AGBL1: variants seen among roughly 807,000 people sequenced by gnomAD.
The protein encoded by AGBL1 is cytosolic carboxypeptidase 4.
In AGBL1, 130 loss-of-function variants were observed where a neutral mutation model predicts 118.9. The ratio of observed to expected loss-of-function variants is 1.09; its 90% CI spans 0.95 to 1.26. The LOEUF is 1.26. Ranked by LOEUF, AGBL1 falls within the 50% of genes most tolerant of loss-of-function variation. AGBL1 has a pLI of 0.00. For missense variants in AGBL1, 1,584 were observed against 1,298.1 expected (o/e 1.22, Z -3.38); for synonymous variants, 555 against 478.9 (o/e 1.16, Z -2.08).
At chr15:86,543,254 A>G (rs2083529578) in intron 19 of AGBL1, among the ~76,000 whole-genome samples, 1 of 151,784 alleles carries the variant, frequency 6.6e-6, no homozygotes, top group Admixed American at 6.6e-5. Context: ...GAGATAACAT[A>G]CTGCTTCCTC....
chr15:86,500,141 C>T (rs1283083384), intron 18 of AGBL1, among the ~76,000 whole-genome samples: 1 of 151,820 alleles, frequency 6.6e-6, no homozygotes, highest in Non-Finnish European at 1.5e-5. Flanking sequence ...AAAGAATAGA[C>T]AGATACCTGT....
At chr15:86,928,342 G>A (rs111428876) in intron 23 of AGBL1, among the ~76,000 whole-genome samples, 9 of 152,246 alleles carry the variant, frequency 5.9e-5, no homozygotes, top group African/African-American at 1.9e-4. Context: ...ACGGTGGAAG[G>A]GACCAGGGAG....
intron 22 of AGBL1, among the ~76,000 whole-genome samples, chr15:86,866,474 T>G (rs934331299): frequency 5.9e-5 from 9 of 152,206 alleles, no homozygotes; most frequent in African/African-American, 2.2e-4. Flanking sequence ...ACTTCTTGCA[T>G]AAGTCTTTCA....
At chr15:86,373,579 G>A (rs974753353) in intron 17 of AGBL1, among the ~76,000 whole-genome samples, 3 of 152,206 alleles carry the variant, frequency 2.0e-5, no homozygotes, top group Non-Finnish European at 2.9e-5. Flanking sequence ...TCCAGGGAGA[G>A]CAGGCACCAG....
intron 18 of AGBL1, among the ~76,000 whole-genome samples, chr15:86,410,808 A>AGG (rs2081597799): frequency 2.2e-4 from 2 of 9,300 alleles, no homozygotes; most frequent in South Asian, 6.1e-3. Context: ...TCAAATGTAG[A>AGG]TATATATATA....
chr15:86,846,800 G>A (rs959522940), intron 22 of AGBL1, among the ~76,000 whole-genome samples: 1 of 152,180 alleles, frequency 6.6e-6, no homozygotes, highest in East Asian at 1.9e-4. Flanking sequence ...CCAAAGTGCT[G>A]GGATTGCAGG....
chr15:86,791,000 C>T (rs1315323154), intron 22 of AGBL1, among the ~76,000 whole-genome samples: 1 of 152,122 alleles, frequency 6.6e-6, no homozygotes, highest in Non-Finnish European at 1.5e-5. Context: ...CAATCTTTGT[C>T]AGAATTTTCA....
At chr15:86,502,910 C>T (rs903503053) in intron 18 of AGBL1, among the ~76,000 whole-genome samples, 4 of 151,286 alleles carry the variant, frequency 2.6e-5, no homozygotes, top group Non-Finnish European at 4.4e-5. Flanking sequence ...TTTTGCTACC[C>T]GGCTAATATT....
At chr15:86,437,894 T>A (rs1166818956) in intron 18 of AGBL1, among the ~76,000 whole-genome samples, 1 of 152,096 alleles carries the variant, frequency 6.6e-6, no homozygotes, top group East Asian at 1.9e-4. Flanking sequence ...AGTTTTCTTT[T>A]TTTTCCCTTC....
intron 23 of AGBL1, among the ~76,000 whole-genome samples, chr15:86,958,154 A>ATGATTG (rs1269478248): frequency 6.6e-6 from 1 of 150,942 alleles, no homozygotes; most frequent in Non-Finnish European, 1.5e-5. Flanking sequence ...GCAGTAAGCT[A>ATGATTG]TGATTGTGCC....
chr15:86,791,668 C>A (rs1291236875), intron 22 of AGBL1, among the ~76,000 whole-genome samples: 1 of 151,574 alleles, frequency 6.6e-6, no homozygotes, highest in Non-Finnish European at 1.5e-5. Context: ...GTCATTGAAT[C>A]TTTTCCTCTG....
intron 19 of AGBL1, among the ~76,000 whole-genome samples, chr15:86,532,044 T>G (rs2083357085): frequency 6.6e-6 from 1 of 151,786 alleles, no homozygotes; most frequent in African/African-American, 2.4e-5. Context: ...CTTTGAAAAC[T>G]GGCACAAGAC....
chr15:86,852,399 A>G (rs1364958303), intron 22 of AGBL1, among the ~76,000 whole-genome samples: 1 of 152,084 alleles, frequency 6.6e-6, no homozygotes, highest in Non-Finnish European at 1.5e-5. Context: ...TTACAATTGG[A>G]GATTATATTT....
At chr15:86,879,677 T>G (rs1488350211) in intron 22 of AGBL1, among the ~76,000 whole-genome samples, 1 of 152,216 alleles carries the variant, frequency 6.6e-6, no homozygotes, top group Non-Finnish European at 1.5e-5. Flanking sequence ...TTTGGCTTGA[T>G]GTTCCAGAAA....
At chr15:86,843,206 A>G (rs2079269756) in intron 22 of AGBL1, among the ~76,000 whole-genome samples, 1 of 152,152 alleles carries the variant, frequency 6.6e-6, no homozygotes, top group African/African-American at 2.4e-5. Context: ...TCTCACAAGG[A>G]TCTTCAAAGG....
chr15:86,248,091 G>T lies in AGBL1; in HGVS notation c.735+212G>T, dbSNP rs144039451. Among the ~76,000 whole-genome samples the T allele has an allele frequency of 7.6e-3, 1,164 of 152,344 alleles. 17 individuals are homozygous for T. The highest frequency in any genetic ancestry group is 0.027 in the African/African-American group (1,104 of 41,584). On this transcript the variant is annotated intron_variant, in intron 7 of 22. Coordinates refer to ENST00000614907, the MANE Select transcript of AGBL1 (RefSeq NM_001386094.1). The stretch of plus-strand genomic sequence containing the variant: ...TCAGCACTTTGGGAGGCCGAGGCAG[G>T]TGATCACCTGAAGTCAGGAGTTTGA...
chr15:87,011,870 A>T (rs1427482965), intron 24 of AGBL1, among the ~76,000 whole-genome samples: 1 of 152,188 alleles, frequency 6.6e-6, no homozygotes, highest in East Asian at 1.9e-4. Context: ...TTTTCTAATT[A>T]ATTGGACTTT....
intron 22 of AGBL1, among the ~76,000 whole-genome samples, chr15:86,862,756 A>G (rs531392338): frequency 2.0e-5 from 3 of 152,224 alleles, no homozygotes; most frequent in East Asian, 3.9e-4. Context: ...TACAAAAACA[A>G]AGTTCTTTTT....
In AGBL1 at chr15:86,546,030, A is replaced by G. The variant is rs1271685463; in HGVS notation, c.2714A>G (p.Gln905Arg). The G allele has an allele frequency of 2.5e-6, 4 of 1,613,232 alleles. No homozygotes were observed. The Admixed American group carries it at 5.0e-5, about 20-fold the overall frequency. The change falls in exon 20 of 23, where the codon CAA (glutamine) becomes CGA (arginine). Residue 905 changes from glutamine to arginine, a missense_variant. Gln to Arg is a conservative substitution (Grantham distance 43). Coordinates refer to ENST00000614907, the MANE Select transcript of AGBL1 (RefSeq NM_001386094.1). ...VVFCDFHGHS[Q>R]KKNVFLYGCS... ...TTCTGTGACTTCCATGGCCACTCCC[A>G]AAAGAAGAATGTGTTCCTTTATGGC...
Sources: gnomAD v4.1 joint callset for allele counts (sites outside exome capture counted in the v4.1 genomes callset) on GRCh38, gnomAD v4.1.1 for gene constraint, MANE v1.5 for transcripts, NCBI Gene and HGNC (gene_info 2026-07-23, HGNC 2026-07-21) for gene names.